ARHGEF11: variants seen among roughly 807,000 people sequenced by gnomAD.
ARHGEF11 encodes the protein Rho guanine nucleotide exchange factor 11, also known as Rho guanine exchange factor (GEF) 11.
Under a neutral mutation model 193.7 loss-of-function variants are expected in ARHGEF11, and 55 were observed. The observed-to-expected ratio is 0.28, with a 90% confidence interval of 0.23 to 0.36. The LOEUF (loss-of-function observed/expected upper bound fraction) is 0.36, where lower values mean the gene tolerates loss of function less well. Among genes scored for constraint, ARHGEF11 ranks in the 10% least tolerant of loss-of-function variants. The probability of loss-of-function intolerance (pLI) is 1.00; values close to 1 mark genes in which losing one functional copy is unlikely to be tolerated. For synonymous variants in ARHGEF11, 693 were observed against 768.0 expected (o/e 0.90, Z 1.62); for missense variants, 1,723 against 2,005.6 (o/e 0.86, Z 2.69).
At chr1:156,961,837 A>C (rs577006579) in intron 13 of ARHGEF11, 62 bp from the exon 14 acceptor site, 2 of 1,485,902 alleles carry the variant, frequency 1.3e-6, no homozygotes, top group Non-Finnish European at 1.9e-6. Context: ...TTTGCCCCCT[A>C]GGGGACGTTT....
intron 4 of ARHGEF11, among the ~76,000 whole-genome samples, chr1:156,979,623 CA>C (rs1210099556): frequency 6.6e-6 from 1 of 152,152 alleles, no homozygotes; most frequent in Non-Finnish European, 1.5e-5. Flanking sequence ...CTTGGCCTCC[CA>C]AAGGGCTGGG....
chr1:156,992,440 G>A (rs879940882), intron 1 of ARHGEF11, among the ~76,000 whole-genome samples: 3 of 152,176 alleles, frequency 2.0e-5, no homozygotes, highest in Non-Finnish European at 4.4e-5. Context: ...CCTGAGTGCA[G>A]CACAAGGCAC....
At position 156,969,333 on chromosome 1, in the gene ARHGEF11, C is replaced by T. The variant is rs1220103731; in HGVS notation, c.774G>A (p.Glu258=). ...SEGRLSLDSQ[E]GDSGLDSGTE... ...TCCCAGAGTCCAAGCCACTGTCCCCCTCCTGGGAATCCAGAGAGAGCCGGC... is the reference window on the plus strand; with the variant it reads ...TCCCAGAGTCCAAGCCACTGTCCCCTTCCTGGGAATCCAGAGAGAGCCGGC... The change falls in exon 10 of 41, where the codon GAG becomes GAA. Residue 258 remains glutamate (E), a synonymous_variant. Transcript: ENST00000368194. The T allele has an allele frequency of 6.2e-7, 1 of 1,609,118 alleles. No homozygotes were observed. The highest frequency in any genetic ancestry group is 8.5e-7 in the Non-Finnish European group (1 of 1,177,730).
intron 22 of ARHGEF11, 48 bp downstream of exon 22, chr1:156,951,525 A>G (rs1301815065): frequency 6.2e-7 from 1 of 1,609,114 alleles, no homozygotes; most frequent in African/African-American, 1.3e-5. Flanking sequence ...AGCCCTGCCC[A>G]TGACCCACTC....
rs376909091 is a variant in ARHGEF11 at position 156,948,271 on chromosome 1, C to T, written c.2106-43G>A. On this transcript the variant is annotated intron_variant, in intron 23 of 40. Coordinates refer to ENST00000368194, the MANE Select transcript of ARHGEF11 (RefSeq NM_198236.3). This position sits in a 1 kb window ranked among gnomAD's most constrained non-coding sequence, Gnocchi z 4.2. ...ACTCTCAGCAACCCTCTATCCTTGC[C>T]GCCACCCCTGAGATGTCCATGGGTG... 2.2e-5 allele frequency: 35 copies of T among 1,604,574 alleles called. No homozygotes were observed. In the East Asian group the frequency reaches 2.2e-4, roughly 10 times the overall value.
intron 9 of ARHGEF11, 144 bp downstream of exon 9, chr1:156,969,854 T>C: frequency 1.2e-6 from 1 of 808,046 alleles, no homozygotes; most frequent in South Asian, 1.6e-5. Context: ...TGTGTATTTG[T>C]ACTGCTTTCT....
chr1:157,035,546 C>T (rs1671812391), intron 1 of ARHGEF11, among the ~76,000 whole-genome samples: 2 of 151,860 alleles, frequency 1.3e-5, no homozygotes, highest in Admixed American at 1.3e-4. Flanking sequence ...GCTGGGATTA[C>T]AGGAATGCAC....
intron 40 of ARHGEF11, among the ~76,000 whole-genome samples, chr1:156,936,499 T>TAAAA (rs1389872908): frequency 1.3e-5 from 1 of 74,906 alleles, no homozygotes. Flanking sequence ...AAAAAAAAAA[T>TAAAA]ATATATATAT....
At chr1:157,010,315 T>C (rs1668393659) in intron 1 of ARHGEF11, among the ~76,000 whole-genome samples, 1 of 152,100 alleles carries the variant, frequency 6.6e-6, no homozygotes, top group South Asian at 2.1e-4. Flanking sequence ...AGTAAAACTC[T>C]CTCTTTTCAC....
chr1:156,957,924 G>C (rs1279522467), intron 17 of ARHGEF11, 109 bp from the exon 18 acceptor site: 2 of 1,007,436 alleles, frequency 2.0e-6, no homozygotes, highest in South Asian at 1.3e-5. Flanking sequence ...GAGGGTTAGT[G>C]GGGGAAAAGG....
At chr1:156,937,774 G>A (rs552138022) in intron 38 of ARHGEF11, among the ~76,000 whole-genome samples, 39 of 152,340 alleles carry the variant, frequency 2.6e-4, no homozygotes, top group African/African-American at 9.1e-4. Context: ...TGTTTCATTT[G>A]GGGAAATTGG....
intron 1 of ARHGEF11, among the ~76,000 whole-genome samples, chr1:157,001,369 CAG>C (rs1408891332): frequency 1.3e-5 from 2 of 152,158 alleles, no homozygotes; most frequent in Admixed American, 6.5e-5. Context: ...AAGAGAAAAT[CAG>C]AGTCAAGTTT....
chr1:156,939,865 T>C lies in ARHGEF11; in HGVS notation c.3779A>G (p.His1260Arg). 4.3e-6 allele frequency: 7 copies of C among 1,610,722 alleles called. No homozygotes were observed. The highest frequency in any genetic ancestry group is 5.1e-6 in the Non-Finnish European group (6 of 1,179,904). The change falls in exon 37 of 41, where the codon CAC becomes CGC. Residue 1260 changes from histidine to arginine, a missense_variant. Around this residue, in one of 5 missense-constraint regions of ARHGEF11, gnomAD observed 203 missense variants for 237.3 expected, o/e 0.86. Transcript: ENST00000368194. ...CTGGGCAGCCTGAGTTTCCATGGTG[T>C]GACCTGGCAGCAGGCTCCACAGGAT... ...HLILWSLLPG[H>R]TMETQAAQEP...
chr1:156,944,146 C>T (rs1557829827), intron 31 of ARHGEF11, 44 bp from the exon 32 acceptor site: 1 of 1,598,316 alleles, frequency 6.3e-7, no homozygotes, highest in Admixed American at 1.7e-5. Context: ...GGTGCCTACT[C>T]ATCCCTCATG....
chr1:156,972,527 T>A (rs1662644814), intron 7 of ARHGEF11, among the ~76,000 whole-genome samples: 1 of 152,220 alleles, frequency 6.6e-6, no homozygotes, highest in Admixed American at 6.5e-5. Context: ...CCTGAATACA[T>A]GGCAGCTATT....
rs1339888604 is a variant in ARHGEF11, at chr1:156,935,778, TG to T, written c.*221del. ...AGCATGCTTAGGAGACATGAGGCCT[TG>T]GAGGGTTGGGCTAAGGGAGGGAAAA... On this transcript the variant is annotated 3_prime_UTR_variant, in exon 41 of 41. Coordinates refer to ENST00000368194, the MANE Select transcript of ARHGEF11 (RefSeq NM_198236.3). 1.8e-6 allele frequency: 1 copy of T among 559,030 alleles called. No individual in the cohort carries two copies. Among genetic ancestry groups the T allele is most frequent in the Non-Finnish European group, 3.2e-6 (1 of 315,190 alleles). 34.6% of individuals were successfully genotyped at this position (559,030 alleles called of 1,614,324 possible).
At position 156,945,044 on chromosome 1, in the gene ARHGEF11, C is replaced by T; in HGVS notation, c.2966G>A (p.Ser989Asn). 1 of 1,614,026 alleles carries T rather than the reference C, an allele frequency of 6.2e-7. No individual in the cohort carries two copies. The highest frequency in any genetic ancestry group is 1.3e-5 in the African/African-American group (1 of 75,066). Residue 989 changes from serine (S) to asparagine (N), a missense_variant, in exon 30 of 41, where the codon AGC (serine) becomes AAC (asparagine). By Grantham distance (46) the Ser-to-Asn change is conservative. Coordinates refer to ENST00000368194, the MANE Select transcript of ARHGEF11 (RefSeq NM_198236.3). The part of the protein sequence containing the change: ...RLDATALERA[S>N]NPLAAEFKSL... ...CTTGAACTCTGCTGCCAGGGGGTTG[C>T]TGGCCCTCTCCAGGGCGGTGGCATC...
chr1:157,046,715 A>G (rs887455834), upstream of ARHGEF11, among the ~76,000 whole-genome samples: 1 of 152,200 alleles, frequency 6.6e-6, no homozygotes, highest in Admixed American at 6.5e-5. Flanking sequence ...CAGTTTCTAA[A>G]TCTTTACAAG....
intron 34 of ARHGEF11, 134 bp from the exon 35 acceptor site, chr1:156,941,567 CAG>C (rs1656939770): frequency 9.7e-7 from 1 of 1,036,106 alleles, no homozygotes; most frequent in Non-Finnish European, 1.5e-6. Context: ...CTTGGCAACC[CAG>C]AGAGGAGGGG....
Sources: allele counts gnomAD v4.1 joint callset (sites outside exome capture counted in the v4.1 genomes callset), GRCh38; gene constraint gnomAD v4.1.1; regional missense constraint gnomAD v4.1.1; non-coding constraint Gnocchi (gnomAD v3.1); transcripts MANE v1.5; gene names NCBI Gene and HGNC (gene_info 2026-07-23, HGNC 2026-07-21).